AFG2A: variants seen among roughly 807,000 people sequenced by gnomAD.
AFG2A encodes ATPase family gene 2 protein homolog A.
At chr4:123,212,905 C>T in the AFG2A span, among the ~76,000 whole-genome samples, 1 of 152,140 alleles carries the variant, frequency 6.6e-6, no homozygotes, top group Non-Finnish European at 1.5e-5. Context: ...TAGTTTGTTA[C>T]ATGATTAAAT....
At chr4:123,042,807 C>G in the AFG2A span, among the ~76,000 whole-genome samples, 1 of 152,218 alleles carries the variant, frequency 6.6e-6, no homozygotes, top group East Asian at 1.9e-4. Context: ...AGTTTAAGTT[C>G]TTACATCAAT....
At chr4:122,993,686 A>G in the AFG2A span, among the ~76,000 whole-genome samples, 1 of 151,978 alleles carries the variant, frequency 6.6e-6, no homozygotes, top group Admixed American at 6.5e-5. Context: ...TTAAGCAGGA[A>G]CTCAATTTTC....
chr4:123,028,485 G>A, the AFG2A span: 6 of 994,534 alleles, frequency 6.0e-6, no homozygotes, highest in Non-Finnish European at 9.2e-6. Context: ...ACGAATAAAG[G>A]CATCTTAAGG....
chr4:122,955,684 T>A, the AFG2A span, among the ~76,000 whole-genome samples: 449 of 152,350 alleles, frequency 2.9e-3, 4 homozygotes, highest in Non-Finnish European at 3.4e-3. Flanking sequence ...TTGAATATCT[T>A]ACTGTTGGTG....
At chr4:122,947,316 A>T in the AFG2A span, 3 of 1,613,860 alleles carry the variant, frequency 1.9e-6, no homozygotes, top group South Asian at 3.3e-5. Flanking sequence ...GACCTGGGCG[A>T]TTTGATAAAG....
At chr4:123,026,135 G>GTA in the AFG2A span, among the ~76,000 whole-genome samples, 1 of 149,224 alleles carries the variant, frequency 6.7e-6, no homozygotes, top group South Asian at 2.1e-4. Context: ...GTGTGTGTGT[G>GTA]TATGTGTGTC....
the AFG2A span, among the ~76,000 whole-genome samples, chr4:123,119,838 A>G: frequency 6.6e-6 from 1 of 152,192 alleles, no homozygotes; most frequent in Non-Finnish European, 1.5e-5. Flanking sequence ...ATTGACTTAC[A>G]GTTTAGCATG....
the AFG2A span, among the ~76,000 whole-genome samples, chr4:122,923,640 G>C: frequency 3.2e-4 from 49 of 152,284 alleles, no homozygotes; most frequent in East Asian, 9.4e-3. Context: ...GCGAACATGG[G>C]ATACTTATCC....
At chr4:123,220,134 G>T in the AFG2A span, among the ~76,000 whole-genome samples, 1 of 152,144 alleles carries the variant, frequency 6.6e-6, no homozygotes, top group Non-Finnish European at 1.5e-5. Flanking sequence ...CTCCCAAGGT[G>T]CTGGGATTAC....
the AFG2A span, among the ~76,000 whole-genome samples, chr4:123,216,384 A>G: frequency 6.6e-6 from 1 of 152,220 alleles, no homozygotes; most frequent in Non-Finnish European, 1.5e-5. Flanking sequence ...TTTGTCCTAG[A>G]TAATAAGACA....
chr4:122,930,475 C>G, the AFG2A span, among the ~76,000 whole-genome samples: 1 of 152,032 alleles, frequency 6.6e-6, no homozygotes, highest in Admixed American at 6.6e-5. Context: ...TGAGTTTTGG[C>G]ATATTTTTTC....
At chr4:123,085,853 T>G in the AFG2A span, among the ~76,000 whole-genome samples, 7 of 152,018 alleles carry the variant, frequency 4.6e-5, no homozygotes, top group Admixed American at 1.3e-4. Context: ...GACTGTTAAG[T>G]TTTTTGGGTT....
the AFG2A span, among the ~76,000 whole-genome samples, chr4:123,020,570 C>T: frequency 9.9e-5 from 15 of 151,512 alleles, no homozygotes; most frequent in Non-Finnish European, 2.1e-4. Flanking sequence ...GGTTTCACCA[C>T]GTTGGCCAGG....
the AFG2A span, among the ~76,000 whole-genome samples, chr4:123,140,497 G>T: frequency 5.6e-3 from 801 of 143,628 alleles, 3 homozygotes; most frequent in African/African-American, 0.019. Context: ...AGAGGATAAG[G>T]TTTTTTTTTT....
the AFG2A span, among the ~76,000 whole-genome samples, chr4:123,203,540 A>C: frequency 6.6e-6 from 1 of 152,134 alleles, no homozygotes; most frequent in South Asian, 2.1e-4. Flanking sequence ...GGCCTCCTAA[A>C]GTGCTGGGAT....
chr4:122,966,273 C>G, the AFG2A span, among the ~76,000 whole-genome samples: 1 of 152,178 alleles, frequency 6.6e-6, no homozygotes, highest in South Asian at 2.1e-4. Flanking sequence ...GTTTTTATAG[C>G]TTTTGCAAAT....
chr4:123,248,022 G>A, the AFG2A span, among the ~76,000 whole-genome samples: 1 of 152,076 alleles, frequency 6.6e-6, no homozygotes, highest in African/African-American at 2.4e-5. Context: ...TGTTCTTAAA[G>A]GTAAGGACCA....
At chr4:122,952,708 C>G in the AFG2A span, among the ~76,000 whole-genome samples, 1 of 152,170 alleles carries the variant, frequency 6.6e-6, no homozygotes, top group Non-Finnish European at 1.5e-5. Context: ...AATGTGTACC[C>G]CTTCCAGGAC....
the AFG2A span, among the ~76,000 whole-genome samples, chr4:123,252,812 A>G: frequency 2.9e-4 from 44 of 152,318 alleles, no homozygotes; most frequent in Admixed American, 8.5e-4. Flanking sequence ...GCAGTCAACC[A>G]CTAGTCTGCT....
Sources: allele counts gnomAD v4.1 joint callset (sites outside exome capture counted in the v4.1 genomes callset), GRCh38; gene constraint gnomAD v4.1.1; transcripts MANE v1.5; gene names NCBI Gene and HGNC (gene_info 2026-07-23, HGNC 2026-07-21).